Variants in PLOD2 observed in about 807,000 individuals in gnomAD.
The protein encoded by PLOD2 is lysine hydroxylase 2.
PLOD2 carries 65 observed loss-of-function variants against 101.0 expected under a neutral mutation model. That is an observed-to-expected ratio of 0.64 (90% CI 0.53 to 0.79). The LOEUF is 0.79. Among genes scored for constraint, PLOD2 ranks in the 30% least tolerant of loss-of-function variants. The pLI, the probability that PLOD2 is intolerant of heterozygous loss-of-function variation, is 0.00. For synonymous variants in PLOD2, 314 were observed against 302.9 expected (o/e 1.04, Z -0.38); for missense variants, 909 against 914.6 (o/e 0.99, Z 0.08).
intron 11 of PLOD2, among the ~76,000 whole-genome samples, chr3:146,082,798 C>T (rs1936608741): frequency 1.3e-5 from 2 of 151,968 alleles, no homozygotes; most frequent in Non-Finnish European, 2.9e-5. Context: ...AAGAGGCTGA[C>T]ACAGGAGAAT....
intron 7 of PLOD2, among the ~76,000 whole-genome samples, chr3:146,096,043 C>G (rs1159581276): frequency 1.3e-5 from 2 of 148,400 alleles, no homozygotes; most frequent in Non-Finnish European, 3.0e-5. Flanking sequence ...CGCGCCGCCA[C>G]GCCTGACTGG....
chr3:146,086,629 G>A (rs897256759), intron 10 of PLOD2, 158 bp downstream of exon 10: 18 of 457,962 alleles, frequency 3.9e-5, no homozygotes, highest in African/African-American at 3.0e-4. Flanking sequence ...GTATAAATAC[G>A]TACAAACATA....
chr3:146,094,145 T>C (rs1445141655), intron 7 of PLOD2, among the ~76,000 whole-genome samples: 1 of 152,194 alleles, frequency 6.6e-6, no homozygotes, highest in Non-Finnish European at 1.5e-5. Flanking sequence ...ATTTTCCTGA[T>C]TCTTCTTTCA....
chr3:146,122,532 A>G (rs1017056767), intron 2 of PLOD2, among the ~76,000 whole-genome samples: 2 of 152,098 alleles, frequency 1.3e-5, no homozygotes, highest in Non-Finnish European at 2.9e-5. Context: ...ACTTCAGGGT[A>G]TCACTCCCAG....
chr3:146,104,325 T>C lies in PLOD2; in HGVS notation c.633A>G (p.Thr211=), dbSNP rs1937495921. The C allele has an allele frequency of 1.3e-6, 2 of 1,567,110 alleles. No individual in the cohort carries two copies. The highest frequency in any genetic ancestry group is 1.8e-6 in the Non-Finnish European group (2 of 1,137,488). The part of the protein sequence containing the change: ...DPLKREAINI[T]LDHKCKIFQT... ...GGAAAATTTTGCATTTGTGATCCAA[T>C]GTGATGTTAATAGCTTCCTAAAACA... The change falls in exon 6 of 20, where the codon ACA becomes ACG. Residue 211 remains threonine, a synonymous_variant. Transcript: ENST00000282903.
intron 1 of PLOD2, among the ~76,000 whole-genome samples, chr3:146,127,191 G>A (rs1030488847): frequency 6.6e-6 from 1 of 152,108 alleles, no homozygotes; most frequent in Non-Finnish European, 1.5e-5. Context: ...TTTCATTTTA[G>A]ATTCAGAGGA....
chr3:146,112,885 T>C (rs945911860), intron 3 of PLOD2, among the ~76,000 whole-genome samples: 5 of 148,538 alleles, frequency 3.4e-5, no homozygotes, highest in African/African-American at 1.2e-4. Flanking sequence ...GATGATGGGG[T>C]AATAGGTGCG....
At position 146,069,650 on chromosome 3, in the gene PLOD2, G is replaced by A. The variant is rs1351762736; in HGVS notation, c.*1067C>T. On this transcript the variant is annotated 3_prime_UTR_variant, in exon 20 of 20. Transcript: ENST00000282903. ...AGAATTTTTTTATAAGCGGGATAGA[G>A]GGAAGTTAACATAGACACTCAGAAG... 1 of 151,876 alleles carries A rather than the reference G, an allele frequency of 6.6e-6. No homozygotes were observed. Among genetic ancestry groups the A allele is most frequent in the Non-Finnish European group, 1.5e-5 (1 of 67,806 alleles). 9.4% of individuals were successfully genotyped at this position (151,876 alleles called of 1,614,324 possible).
At chr3:146,150,142 G>A (rs1194724030) in intron 1 of PLOD2, among the ~76,000 whole-genome samples, 1 of 152,118 alleles carries the variant, frequency 6.6e-6, no homozygotes, top group Non-Finnish European at 1.5e-5. Flanking sequence ...TCCATGGCTA[G>A]TAAACACAAA....
At chr3:146,075,969 G>A (rs567225445) in intron 15 of PLOD2, 17 of 151,552 alleles carry the variant, frequency 1.1e-4, no homozygotes, top group Middle Eastern at 3.4e-3. Context: ...TGGATTCAGG[G>A]AGTATATGTG....
At chr3:146,159,693 C>G (rs2032477350) in intron 1 of PLOD2, among the ~76,000 whole-genome samples, 1 of 152,160 alleles carries the variant, frequency 6.6e-6, no homozygotes, top group Non-Finnish European at 1.5e-5. Flanking sequence ...AGGAATCACA[C>G]GGGTTCAGAA....
rs191094064 is a variant in PLOD2 at position 146,109,028 on chromosome 3, G to A, written c.502+1257C>T. ...ACCCATCCATGAGCCGCATGCTCAA[G>A]CAGAGAAGTGATGGTGGGTAGCCAT... On this transcript the variant is annotated intron_variant, in intron 4 of 19. Transcript: ENST00000282903. Among the ~76,000 whole-genome samples the A allele has an allele frequency of 4.1e-3, 625 of 152,296 alleles. 1 individual carries two copies. The highest frequency in any genetic ancestry group is 0.014 in the African/African-American group (602 of 41,562).
At chr3:146,147,350 T>C (rs1458439040) in intron 1 of PLOD2, among the ~76,000 whole-genome samples, 3 of 152,188 alleles carry the variant, frequency 2.0e-5, no homozygotes, top group African/African-American at 7.2e-5. Flanking sequence ...ATCTCTTGAC[T>C]GGATAGTGAG....
intron 7 of PLOD2, among the ~76,000 whole-genome samples, chr3:146,100,026 C>G (rs1332534513): frequency 1.3e-5 from 2 of 151,866 alleles, no homozygotes; most frequent in Non-Finnish European, 2.9e-5. Flanking sequence ...GGATTAAAGG[C>G]ATGTGCCACC....
At chr3:146,147,142 A>C (rs1412341307) in intron 1 of PLOD2, among the ~76,000 whole-genome samples, 1 of 152,250 alleles carries the variant, frequency 6.6e-6, no homozygotes, top group African/African-American at 2.4e-5. Context: ...ATACTAATTT[A>C]AATCACAGAT....
chr3:146,152,550 T>C (rs1482016914), intron 1 of PLOD2, among the ~76,000 whole-genome samples: 1 of 152,152 alleles, frequency 6.6e-6, no homozygotes, highest in African/African-American at 2.4e-5. Flanking sequence ...TGTCTACCCA[T>C]GGATCTCATG....
intron 1 of PLOD2, among the ~76,000 whole-genome samples, chr3:146,129,819 C>G (rs2030801944): frequency 6.6e-6 from 1 of 152,112 alleles, no homozygotes. Context: ...TACGCCTTCT[C>G]AAATCTTTAC....
At chr3:146,149,288 A>G (rs991660053) in intron 1 of PLOD2, among the ~76,000 whole-genome samples, 5 of 152,224 alleles carry the variant, frequency 3.3e-5, no homozygotes, top group Non-Finnish European at 7.3e-5. Context: ...TAAGTGTGGG[A>G]TATTCTGAGA....
At chr3:146,146,633 A>G (rs2031794914) in intron 1 of PLOD2, among the ~76,000 whole-genome samples, 1 of 152,164 alleles carries the variant, frequency 6.6e-6, no homozygotes, top group African/African-American at 2.4e-5. Flanking sequence ...GGCATAAGGA[A>G]TCAACAGAGA....
Sources: gnomAD v4.1 joint callset for allele counts (sites outside exome capture counted in the v4.1 genomes callset) on GRCh38, gnomAD v4.1.1 for gene constraint, MANE v1.5 for transcripts, NCBI Gene and HGNC (gene_info 2026-07-23, HGNC 2026-07-21) for gene names.